Variants in INTS7 observed in about 807,000 individuals in gnomAD.
INTS7 encodes chromosome 1 open reading frame 73.
A neutral mutation model predicts 109.2 loss-of-function variants in INTS7; 46 were observed. The ratio of observed to expected loss-of-function variants is 0.42; its 90% CI spans 0.33 to 0.54. The LOEUF is 0.54. Ranked by LOEUF, INTS7 falls within the 20% of genes least tolerant of loss-of-function variation. The probability of loss-of-function intolerance (pLI) is 0.07; values close to 1 mark genes in which losing one functional copy is unlikely to be tolerated. For synonymous variants in INTS7, 412 were observed against 402.9 expected (o/e 1.02, Z -0.27); for missense variants, 929 against 1,132.4 (o/e 0.82, Z 2.58).
chr1:211,945,546 G>C (rs1662811257), intron 18 of INTS7, among the ~76,000 whole-genome samples: 1 of 152,188 alleles, frequency 6.6e-6, no homozygotes, highest in African/African-American at 2.4e-5. Flanking sequence ...AAAGATGGAA[G>C]AAATTTGAGT....
rs79318128 is a variant in INTS7 at position 212,005,479 on chromosome 1, A to G, written c.879+1160T>C. Among the ~76,000 whole-genome samples, 1,459 of 152,332 alleles carry G rather than the reference A, an allele frequency of 9.6e-3. 30 individuals carry two copies. Among genetic ancestry groups the G allele is most frequent in the African/African-American group, 0.033 (1,365 of 41,566 alleles). ...TATTTAAAATATTTATACATTTTAC[A>G]TACTTTTCTCACTTAAAGGTATTTA... On this transcript the variant is annotated intron_variant, in intron 7 of 19. Coordinates refer to ENST00000366994, the MANE Select transcript of INTS7 (RefSeq NM_015434.4).
At chr1:212,002,910 C>T (rs538045774) in intron 7 of INTS7, among the ~76,000 whole-genome samples, 2 of 151,828 alleles carry the variant, frequency 1.3e-5, no homozygotes, top group Admixed American at 1.3e-4. Context: ...ATCAGGTATA[C>T]AAGGAAAAAG....
chr1:211,944,409 C>T (rs1662760205), intron 19 of INTS7, among the ~76,000 whole-genome samples: 1 of 152,158 alleles, frequency 6.6e-6, no homozygotes. Flanking sequence ...GTCCTCTGTG[C>T]CCTGCCATAA....
At chr1:212,020,005 CA>C (rs2102489568) in intron 3 of INTS7, 116 bp downstream of exon 3, 6 of 718,132 alleles carry the variant, frequency 8.4e-6, no homozygotes, top group South Asian at 3.4e-5. Flanking sequence ...GACTCTTAGT[CA>C]AAAAAACATA....
At chr1:212,025,660 G>T in intron 1 of INTS7, 1 of 198,058 alleles carries the variant, frequency 5.0e-6, no homozygotes, top group Non-Finnish European at 1.1e-5. Context: ...ACTCCTCTCT[G>T]GATCCTGCCT....
At chr1:211,972,330 C>T (rs890717237) in intron 13 of INTS7, among the ~76,000 whole-genome samples, 1 of 152,070 alleles carries the variant, frequency 6.6e-6, no homozygotes, top group Non-Finnish European at 1.5e-5. Flanking sequence ...TCCCTGGTAT[C>T]CACACCTTGG....
intron 5 of INTS7, among the ~76,000 whole-genome samples, chr1:212,009,764 T>C (rs1224203907): frequency 6.6e-6 from 1 of 151,956 alleles, no homozygotes; most frequent in Non-Finnish European, 1.5e-5. Flanking sequence ...CAGCAGGCAC[T>C]GATAAAATCT....
At chr1:211,944,745 T>G in intron 19 of INTS7, 39 bp downstream of exon 19, 1 of 1,539,850 alleles carries the variant, frequency 6.5e-7, no homozygotes, top group Non-Finnish European at 9.0e-7. Flanking sequence ...TGAGCTCATA[T>G]AAAACCTGTA....
intron 7 of INTS7, among the ~76,000 whole-genome samples, chr1:211,999,434 G>A (rs1370842702): frequency 2.0e-5 from 3 of 152,152 alleles, no homozygotes; most frequent in Non-Finnish European, 4.4e-5. Context: ...AAATCAGACT[G>A]GTAGTTGTCA....
intron 7 of INTS7, among the ~76,000 whole-genome samples, chr1:211,998,102 G>A (rs564276707): frequency 6.6e-6 from 1 of 152,264 alleles, no homozygotes; most frequent in Admixed American, 6.5e-5. Context: ...AGGACTGTAA[G>A]TGTATACCAC....
rs985735486 is a variant in INTS7, at chr1:211,959,828, T to A, written c.2183+6602A>T. Reference sequence around the variant, plus strand: ...TATGCTTATACTACCACTAGTGCCATGGCGTGCAGTTACCAACAGGGTTCC... The same window carrying A: ...TATGCTTATACTACCACTAGTGCCAAGGCGTGCAGTTACCAACAGGGTTCC... On this transcript the variant is annotated intron_variant, in intron 16 of 19. Transcript: ENST00000366994. The surrounding 1 kb of genome is among the most constrained non-coding windows in gnomAD (Gnocchi z 4.2). 6.6e-6 allele frequency among the ~76,000 whole-genome samples: 1 copy of A among 152,172 alleles called. No individual in the cohort carries two copies. Among genetic ancestry groups the A allele is most frequent in the Non-Finnish European group, 1.5e-5 (1 of 68,034 alleles).
At chr1:211,972,978 T>C (rs1173354097) in intron 13 of INTS7, among the ~76,000 whole-genome samples, 2 of 152,210 alleles carry the variant, frequency 1.3e-5, no homozygotes, top group East Asian at 3.8e-4. Flanking sequence ...TTCTCTTTTT[T>C]TTGAGACAGA....
intron 16 of INTS7, among the ~76,000 whole-genome samples, chr1:211,964,571 A>G (rs1663784850): frequency 6.6e-6 from 1 of 152,210 alleles, no homozygotes; most frequent in South Asian, 2.1e-4. Flanking sequence ...TTCAAACTAT[A>G]CTACAAGTCT....
chr1:212,020,613 T>G, intron 2 of INTS7: 1 of 303,332 alleles, frequency 3.3e-6, no homozygotes, highest in Non-Finnish European at 5.1e-6. Flanking sequence ...CTCCTTCCAG[T>G]GTGGTATTGT....
At chr1:211,949,580 T>G (rs1164094052) in intron 17 of INTS7, among the ~76,000 whole-genome samples, 1 of 152,236 alleles carries the variant, frequency 6.6e-6, no homozygotes, top group Non-Finnish European at 1.5e-5. Context: ...ATTTGTTCCT[T>G]AGTTTGGATT....
intron 9 of INTS7, among the ~76,000 whole-genome samples, chr1:211,981,631 A>C (rs1664668123): frequency 6.6e-6 from 1 of 152,166 alleles, no homozygotes; most frequent in African/African-American, 2.4e-5. Flanking sequence ...CACTTTTAGG[A>C]AATAATAAGG....
Position 211,975,347 on chromosome 1 carries a change from A to G in INTS7, c.1634T>C (p.Leu545Pro). Residue 545 changes from leucine (L) to proline (P), a missense_variant, in exon 13 of 20, where the codon CTT (leucine) becomes CCT (proline). By Grantham distance (98) the Leu-to-Pro change is moderately conservative. Around this residue, in one of 2 missense-constraint regions of INTS7, gnomAD observed 787 missense variants for 901.1 expected, o/e 0.87. Transcript: ENST00000366994. ...RMGNHDMAKE[L>P]YQSLLTQVAS... ...AACCTGAGTCAGCAAACTCTGATAAAGCTCTTTGGCCATGTCATGATTACC... is the reference window on the plus strand; with the variant it reads ...AACCTGAGTCAGCAAACTCTGATAAGGCTCTTTGGCCATGTCATGATTACC... 1.9e-6 allele frequency: 3 copies of G among 1,614,070 alleles called. No homozygotes were observed. The highest frequency in any genetic ancestry group is 2.5e-6 in the Non-Finnish European group (3 of 1,179,936).
intron 19 of INTS7, among the ~76,000 whole-genome samples, 153 bp downstream of exon 19, chr1:211,944,631 C>G (rs983258543): frequency 2.0e-5 from 3 of 152,188 alleles, no homozygotes; most frequent in African/African-American, 7.2e-5. Flanking sequence ...TTTATCAACC[C>G]CTTACAGCCC....
chr1:212,002,690 C>A (rs1427155904), intron 7 of INTS7, among the ~76,000 whole-genome samples: 1 of 152,234 alleles, frequency 6.6e-6, no homozygotes, highest in Non-Finnish European at 1.5e-5. Flanking sequence ...GTTTCCCTAA[C>A]CAGCCTACTT....
Sources: allele counts gnomAD v4.1 joint callset (sites outside exome capture counted in the v4.1 genomes callset), GRCh38; gene constraint gnomAD v4.1.1; regional missense constraint gnomAD v4.1.1; non-coding constraint Gnocchi (gnomAD v3.1); transcripts MANE v1.5; gene names NCBI Gene and HGNC (gene_info 2026-07-23, HGNC 2026-07-21).